Variants in BAG1 observed in about 807,000 individuals in gnomAD.
BAG1 encodes the protein BAG cochaperone 1.
BAG1 carries 35 observed loss-of-function variants against 35.5 expected under a neutral mutation model. That is an observed-to-expected ratio of 0.99 (90% CI 0.75 to 1.31). The LOEUF is 1.31. BAG1 is among the 50% of genes most tolerant of loss of function. BAG1 has a pLI of 0.00. For missense variants in BAG1, 464 were observed against 453.6 expected, an observed-to-expected ratio of 1.02 and a Z score of -0.21; for synonymous variants, 191 against 178.9, an observed-to-expected ratio of 1.07 and a Z score of -0.54.
chr9:33,264,077 A>G, intron 1 of BAG1, 147 bp downstream of exon 1: 1 of 940,864 alleles, frequency 1.1e-6, no homozygotes, highest in Non-Finnish European at 1.5e-6. Context: ...GACAAAAGAC[A>G]GTTCCACGGA....
In BAG1 at chr9:33,264,584, G is replaced by A; in HGVS notation, c.91C>T (p.Arg31Cys). 2.1e-6 allele frequency: 3 copies of A among 1,406,576 alleles called. No individual in the cohort carries two copies. Among genetic ancestry groups the A allele is most frequent in the Non-Finnish European group, 2.8e-6 (3 of 1,090,228 alleles). The allele number at this position is 1,406,576 out of a possible 1,614,324, so 87.1% of individuals were successfully genotyped here. Residue 31 changes from arginine (R) to cysteine (C), a missense_variant, in exon 1 of 7, where the codon CGC becomes TGC. Transcript: ENST00000634734. ...CGCTGGGCCGGGGGCTCCGACTGGC[G>A]CGGCTCCCGGCCTGGCCGAAGGGCG... is the stretch of plus-strand genomic sequence containing the variant.
Position 33,263,895 on chromosome 9 carries a change from A to G in BAG1, c.451+329T>C, listed in dbSNP as rs1820638134. 2.7e-5 allele frequency among the ~76,000 whole-genome samples: 4 copies of G among 150,864 alleles called. No homozygotes were observed. In the East Asian group the frequency reaches 7.8e-4, roughly 29 times the overall value. On this transcript the variant is annotated intron_variant, in intron 1 of 6. Transcript: ENST00000634734. ...CTTATCACACACGGAGCAGTCGTAG[A>G]CCACATGGCCCAATATATGCCTGAC...
At chr9:33,260,978 T>A in intron 3 of BAG1, 109 bp downstream of exon 3, 1 of 830,060 alleles carries the variant, frequency 1.2e-6, no homozygotes, top group Non-Finnish European at 1.9e-6. Flanking sequence ...TAGAGAGGTG[T>A]TTTATCAATG....
chr9:33,262,253 GA>G, intron 2 of BAG1: 1 of 1,261,536 alleles, frequency 7.9e-7, no homozygotes, highest in Non-Finnish European at 1.0e-6. Context: ...AGAACTGAAT[GA>G]ATAAACAAAT....
At chr9:33,259,830 A>G (rs1296629662) in intron 3 of BAG1, 2 of 152,174 alleles carry the variant, frequency 1.3e-5, no homozygotes, top group Non-Finnish European at 2.9e-5. Flanking sequence ...TTTATTGAAC[A>G]CTTCCTACAT....
Position 33,254,977 on chromosome 9 carries a change from T to C in BAG1, c.*242A>G, listed in dbSNP as rs1036384345. The stretch of plus-strand genomic sequence containing the variant: ...GGGAAAATTTGGGCAGAGGTGGCCC[T>C]CTCCAGAAAAGGTGGATTGCTGGAC... On this transcript the variant is annotated 3_prime_UTR_variant, in exon 7 of 7. Coordinates refer to ENST00000634734, the MANE Select transcript of BAG1 (RefSeq NM_004323.6). 6.9e-7 allele frequency: 1 copy of C among 1,446,226 alleles called. No individual in the cohort carries two copies. The highest frequency in any genetic ancestry group is 9.2e-7 in the Non-Finnish European group (1 of 1,082,154). 89.6% of individuals were successfully genotyped at this position (1,446,226 alleles called of 1,614,324 possible). A position where few individuals can be genotyped will look rare whatever the true frequency, so the allele number is the denominator to read the frequency against.
intron 2 of BAG1, chr9:33,262,305 G>T: frequency 8.0e-7 from 1 of 1,247,402 alleles, no homozygotes. Flanking sequence ...GTGACTATTA[G>T]GAAAAGTTCA....
intron 3 of BAG1, chr9:33,260,334 G>T (rs1820542433): frequency 6.6e-6 from 1 of 152,218 alleles, no homozygotes; most frequent in Admixed American, 6.5e-5. Context: ...GTAAACAATT[G>T]ATAGATAGGT....
chr9:33,257,184 G>C (rs1247778489), intron 4 of BAG1: 5 of 398,014 alleles, frequency 1.3e-5, no homozygotes, highest in South Asian at 3.8e-5. Flanking sequence ...CCAGTCACAA[G>C]AAGAGGCAGA....
rs746679449 is a variant in BAG1, at chr9:33,264,235, G to A, written c.440C>T (p.Thr147Ile). Residue 147 changes from threonine (T) to isoleucine (I), a missense_variant, in exon 1 of 7, where the codon ACT becomes ATT. Physicochemically the swap from Thr to Ile is moderately conservative, Grantham distance 89 (BLOSUM62 -1). Transcript: ENST00000634734. Reference sequence around the variant, plus strand: ...CGCCCGACACTCACTGTGGGTGACAGTCACGGTGAGCCCAGCTGCCGCCAT... The same window carrying A: ...CGCCCGACACTCACTGTGGGTGACAATCACGGTGAGCCCAGCTGCCGCCAT... 1 of 1,607,908 alleles carries A rather than the reference G, an allele frequency of 6.2e-7. No individual in the cohort carries two copies. The highest frequency in any genetic ancestry group is 8.5e-7 in the Non-Finnish European group (1 of 1,177,878).
intron 1 of BAG1, among the ~76,000 whole-genome samples, 161 bp from the exon 2 acceptor site, chr9:33,262,991 C>G: frequency 6.6e-6 from 1 of 152,076 alleles, no homozygotes; most frequent in Middle Eastern, 3.2e-3. Flanking sequence ...CTCTGGTGAC[C>G]TCCTCAAGTA....
chr9:33,258,032 TG>T (rs1820491820), intron 4 of BAG1: 1 of 152,194 alleles, frequency 6.6e-6, no homozygotes, highest in Non-Finnish European at 1.5e-5. Flanking sequence ...GGCTCATGCC[TG>T]TAATCCCAGC....
In BAG1 at chr9:33,254,627, T is replaced by C. The variant is rs1240676907; in HGVS notation, c.*592A>G. ...CAAGGAACGGCCCCCTGGTATCTCA[T>C]GGCCTGTGGCTAGTCAGGGTCACTG... On this transcript the variant is annotated 3_prime_UTR_variant, in exon 7 of 7. Transcript: ENST00000634734. The C allele has an allele frequency of 5.6e-6, 1 of 177,568 alleles. No individual in the cohort carries two copies. Among genetic ancestry groups the C allele is most frequent in the Non-Finnish European group, 1.2e-5 (1 of 83,026 alleles). The allele number at this position is 177,568 out of a possible 1,614,324, so 11.0% of individuals were successfully genotyped here.
At position 33,255,120 on chromosome 9, in the gene BAG1, C is replaced by T. The variant is rs113523643; in HGVS notation, c.*99G>A. 1.0e-4 allele frequency: 165 copies of T among 1,612,030 alleles called. No homozygotes were observed. The African/African-American group carries it at 1.8e-3, about 17-fold the overall frequency. The stretch of plus-strand genomic sequence containing the variant: ...AGGAAAATTGGCAAATGGCCAGTTG[C>T]CCCCAGCAGCCCTGAAGAAATCAGG... On this transcript the variant is annotated 3_prime_UTR_variant, in exon 7 of 7. Transcript: ENST00000634734.
chr9:33,255,424 G>C, intron 6 of BAG1, 116 bp from the exon 7 acceptor site: 1 of 1,511,684 alleles, frequency 6.6e-7, no homozygotes, highest in Non-Finnish European at 9.0e-7. Context: ...AAAACAGATT[G>C]TGCATGAATG....
At position 33,261,083 on chromosome 9, in the gene BAG1, T is replaced by A; in HGVS notation, c.663+4A>T. 1 of 1,600,092 alleles carries A rather than the reference T, an allele frequency of 6.2e-7. No individual in the cohort carries two copies. Among genetic ancestry groups the A allele is most frequent in the Non-Finnish European group, 8.5e-7 (1 of 1,172,006 alleles). ...GAGGATTTCTGATGGAAAAAGCAATTTACCTTTTTCCCAATTAACATGACC... is the reference window on the plus strand; with the variant it reads ...GAGGATTTCTGATGGAAAAAGCAATATACCTTTTTCCCAATTAACATGACC... On this transcript the variant is annotated splice_donor_region_variant and intron_variant, in intron 3 of 6. Transcript: ENST00000634734.
At chr9:33,257,062 A>C in intron 4 of BAG1, 154 bp from the exon 5 acceptor site, 1 of 599,454 alleles carries the variant, frequency 1.7e-6, no homozygotes, top group Non-Finnish European at 2.9e-6. Flanking sequence ...GGAAAAATTA[A>C]AAAGGCTGGC....
rs1397560037 is a variant in BAG1, at chr9:33,253,505, C to G, written c.*1714G>C. 1.3e-5 allele frequency: 2 copies of G among 152,206 alleles called. No individual in the cohort carries two copies. The highest frequency in any genetic ancestry group is 2.9e-5 in the Non-Finnish European group (2 of 68,040). 9.4% of individuals were successfully genotyped at this position (152,206 alleles called of 1,614,324 possible). A position where few individuals can be genotyped will look rare whatever the true frequency, so the allele number is the denominator to read the frequency against. ...TGGCCCACGCCACACAGCTATCACA[C>G]AAAAATAGATCAATAGTGAACCACT... On this transcript the variant is annotated 3_prime_UTR_variant, in exon 7 of 7. Transcript: ENST00000634734.
intron 3 of BAG1, chr9:33,259,674 T>TA (rs1246612127): frequency 6.6e-6 from 1 of 152,174 alleles, no homozygotes; most frequent in African/African-American, 2.4e-5. Context: ...GCCTGGAGGG[T>TA]AATCACATTT....
Sources: allele counts gnomAD v4.1 joint callset (sites outside exome capture counted in the v4.1 genomes callset), GRCh38; gene constraint gnomAD v4.1.1; transcripts MANE v1.5; gene names NCBI Gene and HGNC (gene_info 2026-07-23, HGNC 2026-07-21).